The following AKAP13 variants were observed in gnomAD, a reference collection of about 807,000 sequenced individuals.
AKAP13 encodes the protein A-kinase anchor protein 13.
AKAP13 carries 80 observed loss-of-function variants against 264.5 expected under a neutral mutation model. The observed-to-expected ratio is 0.30, with a 90% confidence interval of 0.25 to 0.36. The LOEUF is 0.36. AKAP13 is among the 10% of genes least tolerant of loss of function. The pLI is 1.00. For synonymous variants in AKAP13, 1,380 were observed against 1,250.2 expected, an observed-to-expected ratio of 1.10 and a Z score of -2.19; for missense variants, 3,712 against 3,435.2, an observed-to-expected ratio of 1.08 and a Z score of -2.01.
chr15:85,452,768 T>C (rs1459329044), intron 1 of AKAP13, among the ~76,000 whole-genome samples: 2 of 152,180 alleles, frequency 1.3e-5, no homozygotes, highest in African/African-American at 4.8e-5. Flanking sequence ...GTAGCCATGT[T>C]CCCTCTCAGT....
intron 8 of AKAP13, among the ~76,000 whole-genome samples, chr15:85,637,911 T>C (rs1361691450): frequency 6.7e-6 from 1 of 149,944 alleles, no homozygotes; most frequent in South Asian, 2.1e-4. Context: ...TTTTAATCTC[T>C]GTCACCCAGG....
At chr15:85,650,116 CAATA>C (rs1227060947) in intron 10 of AKAP13, among the ~76,000 whole-genome samples, 2 of 151,904 alleles carry the variant, frequency 1.3e-5, no homozygotes, top group Middle Eastern at 3.4e-3. Context: ...TAAAAAAAAA[CAATA>C]AACCTTTTTG....
intron 13 of AKAP13, among the ~76,000 whole-genome samples, chr15:85,666,281 G>A: frequency 6.6e-6 from 1 of 152,140 alleles, no homozygotes; most frequent in South Asian, 2.1e-4. Context: ...GGCCAGTGAT[G>A]ATGAGCATTT....
chr15:85,499,352 A>G lies in AKAP13; in HGVS notation c.33+13599A>G, dbSNP rs914463069. On this transcript the variant is annotated intron_variant, in intron 2 of 36. Coordinates refer to ENST00000394518, the MANE Select transcript of AKAP13 (RefSeq NM_007200.5). ...CGAATTATTCCTTGTATGATTGTAG[A>G]TAATTAAAGCCCCATATGCTTTGCA... 6.6e-5 allele frequency among the ~76,000 whole-genome samples: 10 copies of G among 152,138 alleles called. No homozygotes were observed. The East Asian group carries it at 1.9e-3, about 29-fold the overall frequency.
chr15:85,595,779 G>C (rs2079797049), intron 8 of AKAP13, among the ~76,000 whole-genome samples: 2 of 152,118 alleles, frequency 1.3e-5, no homozygotes, highest in African/African-American at 4.8e-5. Flanking sequence ...GATTGCCAGA[G>C]ACACATCAGT....
intron 8 of AKAP13, among the ~76,000 whole-genome samples, chr15:85,613,396 C>T (rs1429768282): frequency 6.6e-6 from 1 of 152,016 alleles, no homozygotes; most frequent in Admixed American, 6.5e-5. Context: ...CTTAGGAGTG[C>T]TGGGGCCGGG....
At chr15:85,725,839 A>G (rs570338791) in intron 26 of AKAP13, among the ~76,000 whole-genome samples, 124 of 152,334 alleles carry the variant, frequency 8.1e-4, no homozygotes, top group African/African-American at 2.9e-3. Flanking sequence ...AGAGCCCTAT[A>G]TTCACATGTA....
chr15:85,710,365 A>G (rs983907945), intron 18 of AKAP13: 2 of 444,038 alleles, frequency 4.5e-6, no homozygotes, highest in Non-Finnish European at 8.1e-6. Context: ...TGAGAAAAGC[A>G]TTCCAGGCAG....
chr15:85,647,670 G>T (rs2082616964), intron 10 of AKAP13, among the ~76,000 whole-genome samples: 1 of 152,026 alleles, frequency 6.6e-6, no homozygotes, highest in Non-Finnish European at 1.5e-5. Flanking sequence ...TTAGGACCGG[G>T]CGCAATGGCT....
chr15:85,737,815 T>C (rs2088652872), intron 33 of AKAP13, among the ~76,000 whole-genome samples: 1 of 151,972 alleles, frequency 6.6e-6, no homozygotes, highest in African/African-American at 2.4e-5. Context: ...TTTTTTTGTA[T>C]TTTAGTAGAG....
chr15:85,403,847 C>CAAAAAA (rs11342591), intron 1 of AKAP13, among the ~76,000 whole-genome samples: 37 of 128,292 alleles, frequency 2.9e-4, no homozygotes, highest in Admixed American at 1.5e-3. Context: ...AAACTCCTCT[C>CAAAAAA]AAAAAAAAAA....
intron 2 of AKAP13, among the ~76,000 whole-genome samples, chr15:85,504,530 A>AAG (rs2076142747): frequency 4.0e-5 from 5 of 124,206 alleles, no homozygotes; most frequent in African/African-American, 1.6e-4. Flanking sequence ...AAAAAAAAAA[A>AAG]AAAAAGAAAA....
chr15:85,383,218 A>G (rs2141826421), intron 1 of AKAP13, among the ~76,000 whole-genome samples: 1 of 152,278 alleles, frequency 6.6e-6, no homozygotes, highest in Admixed American at 6.5e-5. Context: ...ATTGTTGGAC[A>G]AATCTAGTCA....
intron 1 of AKAP13, among the ~76,000 whole-genome samples, chr15:85,407,219 G>A (rs1427901042): frequency 6.7e-6 from 1 of 150,044 alleles, no homozygotes; most frequent in East Asian, 1.9e-4. Context: ...GATGGGACGG[G>A]TGTGCTGGGT....
chr15:85,697,157 C>T (rs1029216782), intron 17 of AKAP13, among the ~76,000 whole-genome samples: 2 of 152,076 alleles, frequency 1.3e-5, no homozygotes, highest in Admixed American at 6.6e-5. Context: ...CCCAAGGCTA[C>T]GGCAGGAGGA....
intron 8 of AKAP13, among the ~76,000 whole-genome samples, chr15:85,638,989 C>T (rs991246363): frequency 6.6e-6 from 1 of 152,104 alleles, no homozygotes; most frequent in Admixed American, 6.5e-5. Context: ...GAACTCCTGG[C>T]CTCAAGCAGT....
chr15:85,620,026 T>C, intron 8 of AKAP13: 4 of 1,532,976 alleles, frequency 2.6e-6, no homozygotes, highest in Non-Finnish European at 3.5e-6. Flanking sequence ...GGACTTGCAC[T>C]GGTCCCCAAG....
intron 8 of AKAP13, among the ~76,000 whole-genome samples, chr15:85,636,062 T>A (rs2082058614): frequency 6.6e-6 from 1 of 152,250 alleles, no homozygotes; most frequent in Non-Finnish European, 1.5e-5. Context: ...TCTCTGTATT[T>A]ATTTAAGTCT....
chr15:85,731,343 C>A (rs906174669), intron 30 of AKAP13, among the ~76,000 whole-genome samples: 4 of 152,074 alleles, frequency 2.6e-5, no homozygotes, highest in African/African-American at 9.7e-5. Context: ...GGCTTAAGTG[C>A]CTACTCCTAG....
Sources: allele counts gnomAD v4.1 joint callset (sites outside exome capture counted in the v4.1 genomes callset), GRCh38; gene constraint gnomAD v4.1.1; transcripts MANE v1.5; gene names NCBI Gene and HGNC (gene_info 2026-07-23, HGNC 2026-07-21).